The following ADAM12 variants were observed in gnomAD, a reference collection of about 807,000 sequenced individuals.
The protein encoded by ADAM12 is ADAM metallopeptidase domain 12.
Under a neutral mutation model 106.4 loss-of-function variants are expected in ADAM12, and 70 were observed. The ratio of observed to expected loss-of-function variants is 0.66; its 90% CI spans 0.54 to 0.80. ADAM12 has a LOEUF of 0.80. Among genes scored for constraint, ADAM12 ranks in the 30% least tolerant of loss-of-function variants. ADAM12 has a pLI of 0.00. For missense variants in ADAM12, 1,010 were observed against 1,171.9 expected (o/e 0.86, Z 2.02); for synonymous variants, 420 against 433.5 (o/e 0.97, Z 0.39).
chr10:126,277,515 T>C (rs755135530), intron 3 of ADAM12, among the ~76,000 whole-genome samples: 1 of 152,118 alleles, frequency 6.6e-6, no homozygotes. Context: ...GCCTAGCTTC[T>C]TCCATTGAGA....
At chr10:126,197,193 C>T (rs538022848) in intron 3 of ADAM12, among the ~76,000 whole-genome samples, 6 of 152,190 alleles carry the variant, frequency 3.9e-5, no homozygotes, top group South Asian at 2.1e-4. Flanking sequence ...TTAGAGATGA[C>T]GAAGCAAAGA....
rs114461781 is a variant in ADAM12 at position 126,078,236 on chromosome 10, T to C, written c.1146-6582A>G. Among the ~76,000 whole-genome samples, 1,132 of 152,224 alleles carry C rather than the reference T, an allele frequency of 7.4e-3. 10 individuals carry two copies. The highest frequency in any genetic ancestry group is 0.026 in the African/African-American group (1,078 of 41,536). ...ACTTTGAGTGGCAAATTCACAACTC[T>C]CTCATTTATTCACTCACTTATGGAG... On this transcript the variant is annotated intron_variant, in intron 11 of 22. Coordinates refer to ENST00000448723, the MANE Select transcript of ADAM12 (RefSeq NM_001288973.2).
At chr10:126,037,992 A>G (rs777613419) in intron 20 of ADAM12, among the ~76,000 whole-genome samples, 2 of 151,992 alleles carry the variant, frequency 1.3e-5, no homozygotes, top group South Asian at 2.1e-4. Context: ...AGCTCACACT[A>G]TGCTGCACCA....
chr10:126,022,329 A>G (rs1953783898), intron 21 of ADAM12, among the ~76,000 whole-genome samples: 1 of 152,242 alleles, frequency 6.6e-6, no homozygotes. Context: ...TCTGACCTCC[A>G]ACCTGGGGAT....
chr10:126,089,812 G>T (rs1955428430), intron 11 of ADAM12, among the ~76,000 whole-genome samples: 1 of 151,962 alleles, frequency 6.6e-6, no homozygotes. Flanking sequence ...TCCATGCTTT[G>T]CAGGCTCTCC....
At chr10:126,062,835 G>A (rs192231697) in intron 14 of ADAM12, among the ~76,000 whole-genome samples, 76 of 152,322 alleles carry the variant, frequency 5.0e-4, no homozygotes, top group African/African-American at 1.8e-3. Flanking sequence ...TCAAGAAAAG[G>A]AGACTGCTGA....
intron 12 of ADAM12, chr10:126,070,270 A>AC (rs1954960531): frequency 6.6e-6 from 1 of 152,162 alleles, no homozygotes; most frequent in South Asian, 2.1e-4. Context: ...GCAAAATTAG[A>AC]CACCCCTCCA....
intron 3 of ADAM12, among the ~76,000 whole-genome samples, chr10:126,250,236 C>T (rs2133679963): frequency 6.6e-6 from 1 of 152,256 alleles, no homozygotes; most frequent in East Asian, 1.9e-4. Context: ...ACAAATATCC[C>T]TCCAGAGCTG....
In ADAM12 at chr10:126,217,473, T is replaced by TC. The variant is rs1405608289; in HGVS notation, c.260+61441dup. Among the ~76,000 whole-genome samples, 66 of 151,426 alleles carry TC rather than the reference T, an allele frequency of 4.4e-4. 1 individual carries two copies. Among genetic ancestry groups the TC allele is most frequent in the African/African-American group, 1.6e-3 (64 of 41,258 alleles). On this transcript the variant is annotated intron_variant, in intron 3 of 22. Transcript: ENST00000448723. Reference sequence around the variant, plus strand: ...ACTTCTGCCTCCAGGGTTCAAGTGATCCTCCTGCCTCAGCCTCCTTAGTAG... The same window carrying TC: ...ACTTCTGCCTCCAGGGTTCAAGTGATCCCTCCTGCCTCAGCCTCCTTAGTAG...
intron 3 of ADAM12, among the ~76,000 whole-genome samples, chr10:126,251,862 A>ATGGATGG (rs1565168667): frequency 0.062 from 169 of 2,742 alleles, no homozygotes; most frequent in African/African-American, 0.074. Context: ...TGGATAGGAC[A>ATGGATGG]GATGGATGGA....
rs558318041 is a variant in ADAM12 at position 126,161,806 on chromosome 10, T to C, written c.261-6501A>G. On this transcript the variant is annotated intron_variant, in intron 3 of 22. Coordinates refer to ENST00000448723, the MANE Select transcript of ADAM12 (RefSeq NM_001288973.2). ...GGCAGTATTGGAAATGTGACAGCAA[T>C]GGCCTTGGAGCCTGCAGATTTCCCC... Among the ~76,000 whole-genome samples, 20 of 152,310 alleles carry C rather than the reference T, an allele frequency of 1.3e-4. No individual in the cohort carries two copies. In the South Asian group the frequency reaches 4.1e-3, roughly 32 times the overall value.
intron 21 of ADAM12, among the ~76,000 whole-genome samples, chr10:126,033,500 T>C (rs1954005641): frequency 6.6e-6 from 1 of 152,188 alleles, no homozygotes; most frequent in Non-Finnish European, 1.5e-5. Context: ...TGTTCTTTTA[T>C]ATATCTTGGC....
rs182682074 is a variant in ADAM12, at chr10:126,255,094, C to T, written c.260+23821G>A. ...TTGGACAGCTTTGGGGCATTCCTGT[C>T]GTGAGCCCATCTGCTGACTTGTCCT... On this transcript the variant is annotated intron_variant, in intron 3 of 22. Transcript: ENST00000448723. Among the ~76,000 whole-genome samples the T allele has an allele frequency of 5.9e-5, 9 of 152,310 alleles. No homozygotes were observed. The East Asian group carries it at 9.7e-4, about 16-fold the overall frequency.
intron 3 of ADAM12, among the ~76,000 whole-genome samples, chr10:126,208,228 C>T (rs1179919442): frequency 1.3e-5 from 2 of 152,092 alleles, no homozygotes; most frequent in Admixed American, 6.5e-5. Flanking sequence ...TGTGCCCCAC[C>T]CCAGGGGACA....
At chr10:126,380,820 C>A (rs2133935142) in intron 1 of ADAM12, among the ~76,000 whole-genome samples, 1 of 152,324 alleles carries the variant, frequency 6.6e-6, no homozygotes, top group South Asian at 2.1e-4. Flanking sequence ...GGGCACACAG[C>A]CAAAGGGTTG....
intron 22 of ADAM12, 140 bp from the exon 23 acceptor site, chr10:126,017,479 G>T: frequency 1.4e-6 from 1 of 739,488 alleles, no homozygotes; most frequent in South Asian, 2.7e-5. Context: ...CATAACGGGG[G>T]TGGGAAACCT....
At chr10:126,345,463 G>C (rs578174448) in intron 1 of ADAM12, among the ~76,000 whole-genome samples, 8 of 151,830 alleles carry the variant, frequency 5.3e-5, no homozygotes, top group Admixed American at 5.2e-4. Context: ...GATTTTATCA[G>C]GGATATTGGT....
At chr10:126,371,402 G>A (rs1856110544) in intron 1 of ADAM12, among the ~76,000 whole-genome samples, 1 of 152,234 alleles carries the variant, frequency 6.6e-6, no homozygotes, top group Non-Finnish European at 1.5e-5. Flanking sequence ...AAATTCATTT[G>A]CTGCTGTGCA....
At chr10:126,326,582 C>A (rs1278230671) in intron 2 of ADAM12, among the ~76,000 whole-genome samples, 1 of 152,190 alleles carries the variant, frequency 6.6e-6, no homozygotes, top group African/African-American at 2.4e-5. Context: ...CCTTCCTGGA[C>A]AGTTGCACTG....
Sources: allele counts gnomAD v4.1 joint callset (sites outside exome capture counted in the v4.1 genomes callset), GRCh38; gene constraint gnomAD v4.1.1; transcripts MANE v1.5; gene names NCBI Gene and HGNC (gene_info 2026-07-23, HGNC 2026-07-21).